Variants in PTGER4 observed in about 807,000 individuals in gnomAD.
PTGER4 encodes prostaglandin E2 receptor EP4 subtype.
In PTGER4, 11 loss-of-function variants were observed where a neutral mutation model predicts 33.2. The ratio of observed to expected loss-of-function variants is 0.33; its 90% confidence interval spans 0.21 to 0.55. PTGER4 has a LOEUF of 0.55. Ranked by LOEUF, PTGER4 falls within the 20% of genes least tolerant of loss-of-function variation. The probability of loss-of-function intolerance (pLI) is 0.92; values close to 1 mark genes in which losing one functional copy is unlikely to be tolerated. For synonymous variants in PTGER4, 275 were observed against 281.5 expected, an observed-to-expected ratio of 0.98 and a Z score of 0.23; for missense variants, 481 against 650.2, an observed-to-expected ratio of 0.74 and a Z score of 2.83.
the PTGER4 span, chr5:40,730,277 G>A: frequency 1.5e-5 from 24 of 1,607,058 alleles, no homozygotes; most frequent in South Asian, 4.4e-5. Context: ...ATTTCATCTC[G>A]TATAGGGTAG....
the PTGER4 span, among the ~76,000 whole-genome samples, chr5:40,745,465 G>A: frequency 6.6e-6 from 1 of 151,886 alleles, no homozygotes; most frequent in Non-Finnish European, 1.5e-5. Flanking sequence ...TAGAAAGACA[G>A]GGATAAAGCA....
At chr5:40,716,800 A>T in the PTGER4 span, among the ~76,000 whole-genome samples, 1 of 152,360 alleles carries the variant, frequency 6.6e-6, no homozygotes, top group African/African-American at 2.4e-5. Context: ...ACCAGTAAGT[A>T]TGTACATTTG....
chr5:40,715,598 T>C, the PTGER4 span: 1 of 152,364 alleles, frequency 6.6e-6, no homozygotes, highest in African/African-American at 2.4e-5. Flanking sequence ...ATGTACACAT[T>C]TGTGTGCATT....
downstream of PTGER4, among the ~76,000 whole-genome samples, chr5:40,694,460 A>G (rs186866528): frequency 2.1e-3 from 319 of 152,308 alleles, 1 homozygote; most frequent in African/African-American, 7.5e-3. Context: ...CTTAAACAAC[A>G]GACATTTATT....
chr5:40,739,632 T>C, the PTGER4 span, among the ~76,000 whole-genome samples: 1 of 152,228 alleles, frequency 6.6e-6, no homozygotes. Context: ...CTTTGCCTTC[T>C]GCTATGATTA....
At chr5:40,685,579 A>C in intron 2 of PTGER4, 1 of 388,208 alleles carries the variant, frequency 2.6e-6, no homozygotes, top group Non-Finnish European at 3.5e-6. Flanking sequence ...TTTAAATCAT[A>C]ACATGCAATT....
chr5:40,712,906 T>C, the PTGER4 span, among the ~76,000 whole-genome samples: 1 of 152,144 alleles, frequency 6.6e-6, no homozygotes, highest in East Asian at 1.9e-4. Context: ...GCCACACTTC[T>C]TCTTCCGAAG....
chr5:40,687,638 CT>C (rs1741360141), intron 2 of PTGER4, among the ~76,000 whole-genome samples: 1 of 152,150 alleles, frequency 6.6e-6, no homozygotes, highest in Admixed American at 6.5e-5. Flanking sequence ...TTTGTTTTGT[CT>C]TTTTTCTTTC....
the PTGER4 span, among the ~76,000 whole-genome samples, chr5:40,711,561 T>C: frequency 2.0e-5 from 3 of 152,072 alleles, no homozygotes; most frequent in South Asian, 4.1e-4. Context: ...TGAACACATA[T>C]GTCCACACAT....
chr5:40,718,082 C>T, the PTGER4 span, among the ~76,000 whole-genome samples: 1 of 150,752 alleles, frequency 6.6e-6, no homozygotes, highest in Non-Finnish European at 1.5e-5. Context: ...AAAGATTGCA[C>T]ATAATCTACA....
At chr5:40,732,573 G>A in the PTGER4 span, among the ~76,000 whole-genome samples, 26 of 152,002 alleles carry the variant, frequency 1.7e-4, no homozygotes, top group African/African-American at 6.0e-4. Flanking sequence ...ACAGTACCCA[G>A]AACATTTCTG....
the PTGER4 span, among the ~76,000 whole-genome samples, chr5:40,718,657 G>C: frequency 6.6e-6 from 1 of 152,090 alleles, no homozygotes; most frequent in East Asian, 1.9e-4. Context: ...AGAATCGCTT[G>C]AACCCAGGAG....
the PTGER4 span, among the ~76,000 whole-genome samples, chr5:40,712,922 A>G: frequency 6.6e-6 from 1 of 152,156 alleles, no homozygotes; most frequent in African/African-American, 2.4e-5. Context: ...CGAAGTAACC[A>G]TATTTAATTG....
chr5:40,697,184 TAAG>T (rs1741618738), downstream of PTGER4, among the ~76,000 whole-genome samples: 3 of 72,490 alleles, frequency 4.1e-5, no homozygotes, highest in South Asian at 7.7e-4. Context: ...GAAGAAAAAT[TAAG>T]AAAGAAAGAA....
chr5:40,728,315 T>C, the PTGER4 span: 1 of 1,015,594 alleles, frequency 9.8e-7, no homozygotes, highest in Non-Finnish European at 1.3e-6. Flanking sequence ...TACTTAAAAT[T>C]TCTGCATTAT....
chr5:40,713,188 T>C, the PTGER4 span, among the ~76,000 whole-genome samples: 1 of 152,168 alleles, frequency 6.6e-6, no homozygotes, highest in Non-Finnish European at 1.5e-5. Context: ...CTCATTTAGA[T>C]ATTAATACAT....
the PTGER4 span, chr5:40,715,028 T>G: frequency 6.6e-6 from 1 of 152,110 alleles, no homozygotes; most frequent in Non-Finnish European, 1.5e-5. Flanking sequence ...ATAAAATTTT[T>G]TTTAATATAG....
At chr5:40,718,873 C>G in the PTGER4 span, among the ~76,000 whole-genome samples, 1 of 152,018 alleles carries the variant, frequency 6.6e-6, no homozygotes, top group Non-Finnish European at 1.5e-5. Context: ...TGCACTCCAG[C>G]CTGAGCAACA....
the PTGER4 span, among the ~76,000 whole-genome samples, chr5:40,700,496 A>T: frequency 9.2e-5 from 14 of 152,200 alleles, no homozygotes; most frequent in Admixed American, 8.5e-4. Flanking sequence ...AGGCCAGTCC[A>T]TCTCCCATGG....
Sources: allele counts gnomAD v4.1 joint callset (sites outside exome capture counted in the v4.1 genomes callset), GRCh38; gene constraint gnomAD v4.1.1; transcripts MANE v1.5; gene names NCBI Gene and HGNC (gene_info 2026-07-23, HGNC 2026-07-21).